UBLCP1: variants seen among roughly 807,000 people sequenced by gnomAD.
UBLCP1 encodes the protein ubiquitin like domain containing CTD phosphatase 1.
Under a neutral mutation model 42.4 loss-of-function variants are expected in UBLCP1, and 28 were observed. That is an observed-to-expected ratio of 0.66 (90% CI 0.49 to 0.90). The LOEUF (loss-of-function observed/expected upper bound fraction) is 0.90. UBLCP1 is among the 40% of genes least tolerant of loss of function. The pLI, the probability that UBLCP1 is intolerant of heterozygous loss-of-function variation, is 0.00. For missense variants in UBLCP1, 279 were observed against 374.5 expected, an observed-to-expected ratio of 0.75 and a Z score of 2.10; for synonymous variants, 122 against 120.8, an observed-to-expected ratio of 1.01 and a Z score of -0.07.
chr5:159,269,349 G>A (rs149869961), intron 2 of UBLCP1, among the ~76,000 whole-genome samples: 262 of 152,188 alleles, frequency 1.7e-3, no homozygotes, highest in African/African-American at 5.8e-3. Flanking sequence ...CAGAAGTCCC[G>A]GATGAAACTC....
intron 9 of UBLCP1, among the ~76,000 whole-genome samples, chr5:159,282,008 G>T (rs1269864043): frequency 6.6e-6 from 1 of 151,790 alleles, no homozygotes; most frequent in Non-Finnish European, 1.5e-5. Flanking sequence ...TTTTTTTAAC[G>T]ATAACAGAAA....
chr5:159,280,638 G>A (rs1490607477), intron 9 of UBLCP1, among the ~76,000 whole-genome samples: 3 of 152,156 alleles, frequency 2.0e-5, no homozygotes. Flanking sequence ...ATCCTCAAAT[G>A]CTGTGTTTTG....
rs77902174 is a variant in UBLCP1 at position 159,279,982 on chromosome 5, T to G, written c.801+1628T>G. On this transcript the variant is annotated intron_variant, in intron 9 of 10. Transcript: ENST00000296786. ...GAAACTTTGTTTTCCTAACCAACAT[T>G]TGAGCTCCATTCATCTCTTGATGCA... is the stretch of plus-strand genomic sequence containing the variant. Among the ~76,000 whole-genome samples, 151 of 152,346 alleles carry G rather than the reference T, an allele frequency of 9.9e-4. 1 individual carries two copies. The highest frequency in any genetic ancestry group is 1.7e-3 in the Non-Finnish European group (115 of 68,026).
intron 8 of UBLCP1, among the ~76,000 whole-genome samples, chr5:159,276,170 C>T (rs1244600947): frequency 3.3e-5 from 5 of 152,140 alleles, no homozygotes; most frequent in African/African-American, 9.7e-5. Flanking sequence ...TGCCTGTAAT[C>T]CCAGCTACTC....
chr5:159,281,929 T>G (rs1753613678), intron 9 of UBLCP1, among the ~76,000 whole-genome samples: 1 of 151,970 alleles, frequency 6.6e-6, no homozygotes, highest in South Asian at 2.1e-4. Context: ...AATACTTTGC[T>G]AAGTATGATG....
chr5:159,269,811 C>G, intron 2 of UBLCP1, 97 bp from the exon 3 acceptor site: 1 of 953,820 alleles, frequency 1.0e-6, no homozygotes, highest in Middle Eastern at 2.1e-4. Context: ...GCTGTGACAT[C>G]TGTACCAAAC....
intron 9 of UBLCP1, among the ~76,000 whole-genome samples, chr5:159,281,944 C>A (rs974168636): frequency 1.3e-5 from 2 of 150,374 alleles, no homozygotes. Context: ...ATGATGAAAT[C>A]AGTCCTTACA....
At chr5:159,275,344 C>T in intron 8 of UBLCP1, 98 bp downstream of exon 8, 5 of 738,566 alleles carry the variant, frequency 6.8e-6, no homozygotes, top group South Asian at 1.9e-5. Flanking sequence ...AGAGATTCAT[C>T]TGAGTGAATA....
Position 159,268,922 on chromosome 5 carries a change from C to T in UBLCP1, c.7C>T (p.Leu3Phe), listed in dbSNP as rs1422783818. Residue 3 changes from leucine (L) to phenylalanine (F), a missense_variant, in exon 2 of 11, where the codon CTC (leucine) becomes TTC (phenylalanine). Coordinates refer to ENST00000296786, the MANE Select transcript of UBLCP1 (RefSeq NM_145049.5). MA[L>F]PIIVKWGGQE... is the part of the protein sequence containing the mutation. ...TTCCTCATATGTTTCAAGAATGGCT[C>T]TCCCTATCATTGTAAAATGGGGTGG... 5 of 1,606,042 alleles carry T rather than the reference C, an allele frequency of 3.1e-6. No individual in the cohort carries two copies. The highest frequency in any genetic ancestry group is 1.6e-4 in the Middle Eastern group (1 of 6,072).
chr5:159,278,124 A>G (rs1753560492), intron 8 of UBLCP1, 114 bp from the exon 9 acceptor site: 1 of 679,904 alleles, frequency 1.5e-6, no homozygotes, highest in South Asian at 1.8e-5. Context: ...CCTGTCTTAC[A>G]GGGGGAAAGG....
At chr5:159,278,993 A>T (rs1475823527) in intron 9 of UBLCP1, among the ~76,000 whole-genome samples, 1 of 152,220 alleles carries the variant, frequency 6.6e-6, no homozygotes, top group African/African-American at 2.4e-5. Flanking sequence ...CATTTTAAAC[A>T]TTCTGGTTAG....
At chr5:159,270,852 C>G (rs1311125040) in intron 5 of UBLCP1, among the ~76,000 whole-genome samples, 1 of 124,440 alleles carries the variant, frequency 8.0e-6, no homozygotes, top group Non-Finnish European at 1.8e-5. Context: ...GATGACCACT[C>G]TTAGTAATTT....
At chr5:159,268,439 A>G (rs1036473529) in intron 1 of UBLCP1, among the ~76,000 whole-genome samples, 7 of 152,234 alleles carry the variant, frequency 4.6e-5, no homozygotes, top group African/African-American at 1.4e-4. Context: ...TCAAAGTCAG[A>G]TGGCTAAGTG....
chr5:159,270,360 G>C lies in UBLCP1; in HGVS notation c.247G>C (p.Glu83Gln). 1 of 1,610,826 alleles carries C rather than the reference G, an allele frequency of 6.2e-7. No homozygotes were observed. Among genetic ancestry groups the C allele is most frequent in the Non-Finnish European group, 8.5e-7 (1 of 1,178,152 alleles). ...MMMGTREESL[E>Q]DVLGPPPDND... ...AACAAAACTTTTTCCATCTTAATAG[G>C]AAGATGTCTTAGGTCCACCCCCTGA... The change falls in exon 4 of 11, where the codon GAA becomes CAA. Residue 83 changes from glutamate (E) to glutamine (Q), a missense_variant and splice_region_variant. Physicochemically the swap from Glu to Gln is conservative, Grantham distance 29. Transcript: ENST00000296786.
In UBLCP1 at chr5:159,285,521, A is replaced by G. The variant is rs572213345; in HGVS notation, c.*590A>G. 1 of 153,120 alleles carries G rather than the reference A, an allele frequency of 6.5e-6. No homozygotes were observed. Among genetic ancestry groups the G allele is most frequent in the Non-Finnish European group, 1.5e-5 (1 of 68,566 alleles). 9.5% of individuals were successfully genotyped at this position (153,120 alleles called of 1,614,324 possible). On this transcript the variant is annotated 3_prime_UTR_variant, in exon 11 of 11. Coordinates refer to ENST00000296786, the MANE Select transcript of UBLCP1 (RefSeq NM_145049.5). ...TCTGTATGCCACTAGTTACATTTCT[A>G]AATTCTGAGCGGTCTCAGTTAGGCC... is the stretch of plus-strand genomic sequence containing the variant.
intron 5 of UBLCP1, among the ~76,000 whole-genome samples, chr5:159,271,466 G>GAC (rs745884830): frequency 6.6e-6 from 1 of 151,752 alleles, no homozygotes; most frequent in Non-Finnish European, 1.5e-5. Context: ...CAAAAAAAAA[G>GAC]AAAGAAAAAA....
At chr5:159,278,636 G>A (rs1396766597) in intron 9 of UBLCP1, among the ~76,000 whole-genome samples, 1 of 151,986 alleles carries the variant, frequency 6.6e-6, no homozygotes, top group Non-Finnish European at 1.5e-5. Flanking sequence ...GTGGTGGTGC[G>A]ATCTCGGCTC....
chr5:159,283,759 G>A (rs1450516431), intron 10 of UBLCP1, among the ~76,000 whole-genome samples: 1 of 152,022 alleles, frequency 6.6e-6, no homozygotes, highest in African/African-American at 2.4e-5. Context: ...CCAGTAACTT[G>A]AGTGTAGCAG....
intron 1 of UBLCP1, among the ~76,000 whole-genome samples, chr5:159,264,134 G>A (rs1753342595): frequency 6.6e-6 from 1 of 152,184 alleles, no homozygotes; most frequent in South Asian, 2.1e-4. Flanking sequence ...GCCTCATCTT[G>A]TTGAGAAGAC....
Sources: gnomAD v4.1 joint callset for allele counts (sites outside exome capture counted in the v4.1 genomes callset) on GRCh38, gnomAD v4.1.1 for gene constraint, MANE v1.5 for transcripts, NCBI Gene and HGNC (gene_info 2026-07-23, HGNC 2026-07-21) for gene names.